Variants in SARAF observed in about 807,000 individuals in gnomAD.
SARAF encodes store-operated calcium entry-associated regulatory factor.
In SARAF, 23 loss-of-function variants were observed where a neutral mutation model predicts 39.7. The ratio of observed to expected loss-of-function variants is 0.58; its 90% CI spans 0.42 to 0.82. SARAF has a LOEUF of 0.82. Ranked by LOEUF, SARAF falls within the 40% of genes least tolerant of loss-of-function variation. The probability of loss-of-function intolerance (pLI) is 0.00; values close to 1 mark genes in which losing one functional copy is unlikely to be tolerated. For synonymous variants in SARAF, 175 were observed against 168.5 expected (o/e 1.04, Z -0.30); for missense variants, 384 against 418.5 (o/e 0.92, Z 0.72).
intron 4 of SARAF, 136 bp downstream of exon 4, chr8:30,066,641 C>G: frequency 9.3e-7 from 1 of 1,070,586 alleles, no homozygotes; most frequent in South Asian, 1.6e-5. Context: ...GTACCTTCCC[C>G]CTTCCCAGAG....
intron 1 of SARAF, among the ~76,000 whole-genome samples, chr8:30,082,032 G>A (rs1007744590): frequency 3.3e-5 from 5 of 152,134 alleles, no homozygotes; most frequent in Non-Finnish European, 7.4e-5. Context: ...CACTGCAATC[G>A]TCAGATAAGA....
At position 30,082,828 on chromosome 8, in the gene SARAF, G is replaced by A; in HGVS notation, c.103+19C>T. 1 of 1,435,624 alleles carries A rather than the reference G, an allele frequency of 7.0e-7. No individual in the cohort carries two copies. The highest frequency in any genetic ancestry group is 9.3e-7 in the Non-Finnish European group (1 of 1,077,062). The allele number at this position is 1,435,624 out of a possible 1,614,324, so 88.9% of individuals were successfully genotyped here. ...GGAAAAGGGCGAACGAAGCGCCTGA[G>A]GGCCCTGGCAGCACTCACCAGGGTC... On this transcript the variant is annotated intron_variant, in intron 1 of 5. Coordinates refer to ENST00000256255, the MANE Select transcript of SARAF (RefSeq NM_016127.6).
At position 30,074,866 on chromosome 8, in the gene SARAF, A is replaced by C. The variant is rs575455754; in HGVS notation, c.104-811T>G. Among the ~76,000 whole-genome samples the C allele has an allele frequency of 3.3e-5, 5 of 152,358 alleles. No homozygotes were observed. In the South Asian group the frequency reaches 1.0e-3, roughly 32 times the overall value. On this transcript the variant is annotated intron_variant, in intron 1 of 5. Coordinates refer to ENST00000256255, the MANE Select transcript of SARAF (RefSeq NM_016127.6). The stretch of plus-strand genomic sequence containing the variant: ...TTCATTGTACACTTCTGTATGTTTA[A>C]ATACTTTAGGTATTTCATAATTTTA...
At chr8:30,077,055 A>C (rs1445742557) in intron 1 of SARAF, among the ~76,000 whole-genome samples, 1 of 152,202 alleles carries the variant, frequency 6.6e-6, no homozygotes, top group Non-Finnish European at 1.5e-5. Context: ...ATATCCTCAG[A>C]GAGATAAGAG....
At chr8:30,064,904 T>G (rs1381311970) in intron 5 of SARAF, among the ~76,000 whole-genome samples, 1 of 152,038 alleles carries the variant, frequency 6.6e-6, no homozygotes, top group Non-Finnish European at 1.5e-5. Flanking sequence ...ACTCCTTTTT[T>G]TCTTCCCAGA....
In SARAF at chr8:30,083,047, G is replaced by C. The variant is rs565368753; in HGVS notation, c.-98C>G. 1,476 of 922,274 alleles carry C rather than the reference G, an allele frequency of 1.6e-3. 3 individuals carry two copies. The highest frequency in any genetic ancestry group is 2.0e-3 in the Non-Finnish European group (1,289 of 637,440). The allele number at this position is 922,274 out of a possible 1,614,324, so 57.1% of individuals were successfully genotyped here. A position where few individuals can be genotyped will look rare whatever the true frequency, so the allele number is the denominator to read the frequency against. ...GCTGCGCAGCTACACCGCTACCCCT[G>C]GCGGCGGCGAAGGAACGGCCCGACT... On this transcript the variant is annotated 5_prime_UTR_variant, in exon 1 of 6. Transcript: ENST00000256255.
intron 3 of SARAF, among the ~76,000 whole-genome samples, chr8:30,068,011 G>T (rs1235540218): frequency 6.6e-6 from 1 of 152,036 alleles, no homozygotes; most frequent in Non-Finnish European, 1.5e-5. Flanking sequence ...AGCCATTATG[G>T]TGGTTATCTG....
chr8:30,069,594 A>G, intron 3 of SARAF, 48 bp downstream of exon 3: 1 of 1,560,248 alleles, frequency 6.4e-7, no homozygotes, highest in Non-Finnish European at 8.7e-7. Flanking sequence ...CACAGGATGC[A>G]CTAACCTCAC....
At chr8:30,067,176 C>G in intron 3 of SARAF, 1 of 399,974 alleles carries the variant, frequency 2.5e-6, no homozygotes, top group Non-Finnish European at 4.5e-6. Context: ...TGACATCTGC[C>G]CTGCTCAATC....
At chr8:30,074,346 T>G (rs986596822) in intron 1 of SARAF, among the ~76,000 whole-genome samples, 2 of 152,220 alleles carry the variant, frequency 1.3e-5, no homozygotes, top group African/African-American at 4.8e-5. Flanking sequence ...ACCTGAAACA[T>G]TGTACTACTG....
chr8:30,081,744 T>C (rs1216114343), intron 1 of SARAF, among the ~76,000 whole-genome samples: 3 of 151,706 alleles, frequency 2.0e-5, no homozygotes, highest in Non-Finnish European at 4.4e-5. Context: ...TTTTTTTTTT[T>C]TTACAGAATT....
intron 1 of SARAF, among the ~76,000 whole-genome samples, chr8:30,078,855 A>G (rs1198167948): frequency 6.6e-6 from 1 of 152,160 alleles, no homozygotes; most frequent in Non-Finnish European, 1.5e-5. Context: ...AGTAAAGGTT[A>G]CTATAAAATT....
At chr8:30,075,450 A>G (rs1801936444) in intron 1 of SARAF, among the ~76,000 whole-genome samples, 1 of 152,198 alleles carries the variant, frequency 6.6e-6, no homozygotes. Context: ...CCTTCCTGCA[A>G]AGCAAAAGGA....
At chr8:30,066,704 A>G in intron 4 of SARAF, 73 bp downstream of exon 4, 1 of 1,549,382 alleles carries the variant, frequency 6.5e-7, no homozygotes, top group Non-Finnish European at 8.8e-7. Context: ...TAGCAAAACT[A>G]AATGCAGTTA....
At chr8:30,080,217 A>G (rs1355134212) in intron 1 of SARAF, among the ~76,000 whole-genome samples, 1 of 152,160 alleles carries the variant, frequency 6.6e-6, no homozygotes, top group African/African-American at 2.4e-5. Context: ...AGCGGTCACC[A>G]CTCTAAGAAC....
intron 3 of SARAF, 68 bp from the exon 4 acceptor site, chr8:30,066,986 G>GT: frequency 6.8e-7 from 1 of 1,476,058 alleles, no homozygotes; most frequent in African/African-American, 1.4e-5. Flanking sequence ...CAAAGATAAT[G>GT]TAACATTTCA....
At chr8:30,074,965 G>T (rs1262164179) in intron 1 of SARAF, among the ~76,000 whole-genome samples, 2 of 152,094 alleles carry the variant, frequency 1.3e-5, no homozygotes, top group Non-Finnish European at 2.9e-5. Context: ...TTGAAAGGAG[G>T]AGTCAAAACA....
At chr8:30,071,485 T>C (rs1801841592) in intron 2 of SARAF, among the ~76,000 whole-genome samples, 2 of 152,262 alleles carry the variant, frequency 1.3e-5, no homozygotes, top group African/African-American at 4.8e-5. Flanking sequence ...CTTATTGAAA[T>C]ATAATTCACA....
At chr8:30,066,989 A>G in intron 3 of SARAF, 71 bp from the exon 4 acceptor site, 1 of 1,457,318 alleles carries the variant, frequency 6.9e-7, no homozygotes, top group Non-Finnish European at 9.6e-7. Context: ...AGATAATGTA[A>G]CATTTCAATT....
Sources: gnomAD v4.1 joint callset for allele counts (sites outside exome capture counted in the v4.1 genomes callset) on GRCh38, gnomAD v4.1.1 for gene constraint, MANE v1.5 for transcripts, NCBI Gene and HGNC (gene_info 2026-07-23, HGNC 2026-07-21) for gene names.